The following EMILIN2 variants were observed in gnomAD, a reference collection of about 807,000 sequenced individuals.
The protein encoded by EMILIN2 is elastin microfibril interfacer 2.
Under a neutral mutation model 87.1 loss-of-function variants are expected in EMILIN2, and 71 were observed. The ratio of observed to expected loss-of-function variants is 0.82; its 90% CI spans 0.67 to 0.99. The LOEUF is 0.99. Among genes scored for constraint, EMILIN2 ranks in the 50% least tolerant of loss-of-function variants. The pLI is 0.00. For missense variants in EMILIN2, 1,407 were observed against 1,371.8 expected (o/e 1.03, Z -0.40); for synonymous variants, 581 against 563.4 (o/e 1.03, Z -0.44).
rs777222081 is a variant in EMILIN2, at chr18:2,847,485, C to A, written c.134+163C>A. Reference sequence around the variant, plus strand: ...GGGGGACCGCGCGCTCCGCAGCCGGCGCCTCAGGCAGAGCTGACTCCGGGG... The same window carrying A: ...GGGGGACCGCGCGCTCCGCAGCCGGAGCCTCAGGCAGAGCTGACTCCGGGG... On this transcript the variant is annotated intron_variant, in intron 1 of 7. Coordinates refer to ENST00000254528, the MANE Select transcript of EMILIN2 (RefSeq NM_032048.3). The surrounding 1 kb of genome is among the most constrained non-coding windows in gnomAD (Gnocchi z 4.5). Among the ~76,000 whole-genome samples the A allele has an allele frequency of 6.6e-6, 1 of 152,200 alleles. No individual in the cohort carries two copies. The highest frequency in any genetic ancestry group is 1.5e-5 in the Non-Finnish European group (1 of 68,022).
In EMILIN2 at chr18:2,848,011, T is replaced by A; in HGVS notation, c.257+80T>A. The A allele has an allele frequency of 7.0e-7, 1 of 1,430,898 alleles. No homozygotes were observed. The highest frequency in any genetic ancestry group is 9.3e-7 in the Non-Finnish European group (1 of 1,079,798). The allele number at this position is 1,430,898 out of a possible 1,614,324, so 88.6% of individuals were successfully genotyped here. On this transcript the variant is annotated intron_variant, in intron 2 of 7. Coordinates refer to ENST00000254528, the MANE Select transcript of EMILIN2 (RefSeq NM_032048.3). This position sits in a 1 kb window ranked among gnomAD's most constrained non-coding sequence, Gnocchi z 4.1. The stretch of plus-strand genomic sequence containing the variant: ...GTGGGGTGGGGTTGCTGCGCTGGGC[T>A]CCAGTCCCTCCGGTAAATCCCTTCC...
rs996359852 is a variant in EMILIN2, at chr18:2,847,722, G to C, written c.135-87G>C. 1.3e-6 allele frequency: 2 copies of C among 1,512,758 alleles called. No homozygotes were observed. Among genetic ancestry groups the C allele is most frequent in the South Asian group, 1.3e-5 (1 of 78,634 alleles). The allele number at this position is 1,512,758 out of a possible 1,614,324, so 93.7% of individuals were successfully genotyped here. A position where few individuals can be genotyped will look rare whatever the true frequency, so the allele number is the denominator to read the frequency against. On this transcript the variant is annotated intron_variant, in intron 1 of 7. Coordinates refer to ENST00000254528, the MANE Select transcript of EMILIN2 (RefSeq NM_032048.3). The surrounding 1 kb of genome is among the most constrained non-coding windows in gnomAD (Gnocchi z 4.5). ...CGACGGGCCCCCCCGACCCTCGCTC[G>C]GTCTGGTGCCGCAGTCCCCTCTCCC...
At chr18:2,911,461 T>C (rs957220270) in intron 7 of EMILIN2, among the ~76,000 whole-genome samples, 4 of 152,258 alleles carry the variant, frequency 2.6e-5, no homozygotes, top group Non-Finnish European at 5.9e-5. Flanking sequence ...GGAGATCTTA[T>C]CTGGAAGCAG....
At position 2,891,598 on chromosome 18, in the gene EMILIN2, G is replaced by A. The variant is rs112602786; in HGVS notation, c.1471G>A (p.Asp491Asn). The A allele has an allele frequency of 3.7e-5, 60 of 1,613,938 alleles. No individual in the cohort carries two copies. The highest frequency in any genetic ancestry group is 1.6e-4 in the Middle Eastern group (1 of 6,084). The change falls in exon 4 of 8, where the codon GAT becomes AAT. Residue 491 changes from aspartate to asparagine, a missense_variant. Coordinates refer to ENST00000254528, the MANE Select transcript of EMILIN2 (RefSeq NM_032048.3). This position sits in a 1 kb window ranked among gnomAD's most constrained non-coding sequence, Gnocchi z 4.6. ...GEVGDLKQLV[D>N]QKIQSLEDRL... ...GGTGGGTGACTTGAAGCAGCTTGTT[G>A]ATCAGAAAATACAGTCTCTGGAAGA...
chr18:2,898,096 C>CT (rs939057971), intron 4 of EMILIN2, among the ~76,000 whole-genome samples: 1 of 152,216 alleles, frequency 6.6e-6, no homozygotes, highest in Non-Finnish European at 1.5e-5. Context: ...ATCAGGCCTT[C>CT]ACACTCTCTC....
intron 3 of EMILIN2, among the ~76,000 whole-genome samples, chr18:2,888,068 C>T: frequency 6.6e-6 from 1 of 152,214 alleles, no homozygotes; most frequent in East Asian, 1.9e-4. Flanking sequence ...AGTTATTGAA[C>T]ACCATCCTCT....
At chr18:2,857,023 C>T (rs1363425857) in intron 2 of EMILIN2, among the ~76,000 whole-genome samples, 3 of 152,064 alleles carry the variant, frequency 2.0e-5, no homozygotes, top group Admixed American at 2.0e-4. Context: ...ATTCCTGGTT[C>T]GAAAATGCTG....
chr18:2,847,506 C>A lies in EMILIN2; in HGVS notation c.134+184C>A. On this transcript the variant is annotated intron_variant, in intron 1 of 7. Transcript: ENST00000254528. The surrounding 1 kb of genome is among the most constrained non-coding windows in gnomAD (Gnocchi z 4.5). ...CCGGCGCCTCAGGCAGAGCTGACTCCGGGGGCGTGGGCGCAGAGAGCGTCC... is the reference window on the plus strand; with the variant it reads ...CCGGCGCCTCAGGCAGAGCTGACTCAGGGGGCGTGGGCGCAGAGAGCGTCC... Among the ~76,000 whole-genome samples, 1 of 151,664 alleles carries A rather than the reference C, an allele frequency of 6.6e-6. No individual in the cohort carries two copies. Among genetic ancestry groups the A allele is most frequent in the Non-Finnish European group, 1.5e-5 (1 of 67,906 alleles).
intron 2 of EMILIN2, among the ~76,000 whole-genome samples, chr18:2,873,589 C>T: frequency 6.6e-6 from 1 of 151,638 alleles, no homozygotes; most frequent in Non-Finnish European, 1.5e-5. Flanking sequence ...CGCCTGTAGT[C>T]CCAGCTACTC....
intron 4 of EMILIN2, among the ~76,000 whole-genome samples, chr18:2,899,371 G>A (rs1028812066): frequency 2.0e-5 from 3 of 152,134 alleles, no homozygotes; most frequent in Non-Finnish European, 2.9e-5. Context: ...TTACGGACTC[G>A]ATTCTGTTCC....
At chr18:2,860,572 CT>C (rs1189040689) in intron 2 of EMILIN2, among the ~76,000 whole-genome samples, 1 of 152,088 alleles carries the variant, frequency 6.6e-6, no homozygotes, top group African/African-American at 2.4e-5. Context: ...TGAACTCATC[CT>C]TTTTTATGGC....
intron 2 of EMILIN2, among the ~76,000 whole-genome samples, chr18:2,854,914 A>G (rs189390237): frequency 1.3e-5 from 2 of 152,370 alleles, no homozygotes; most frequent in Non-Finnish European, 2.9e-5. Context: ...AATAACTTTC[A>G]GTTCAAAAAG....
rs538401222 is a variant in EMILIN2 at position 2,909,818 on chromosome 18, C to T, written c.2823C>T (p.Thr941=). Residue 941 remains threonine (T), a splice_region_variant and synonymous_variant, in exon 7 of 8, where the codon ACC becomes ACT. Transcript: ENST00000254528. ...VNDGDVYNPS[T]GVFTAPYDGR... ...ACGGGGATGTTTACAACCCCAGCAC[C>T]GGTGAGTGTTTGAACGGAACTGGTA... 1.1e-5 allele frequency: 18 copies of T among 1,613,160 alleles called. No individual in the cohort carries two copies. In the East Asian group the frequency reaches 2.0e-4, roughly 18 times the overall value.
At position 2,891,537 on chromosome 18, in the gene EMILIN2, C is replaced by A; in HGVS notation, c.1410C>A (p.Tyr470Ter). 1 of 1,614,134 alleles carries A rather than the reference C, an allele frequency of 6.2e-7. No homozygotes were observed. The highest frequency in any genetic ancestry group is 8.5e-7 in the Non-Finnish European group (1 of 1,180,038). ...TEKNAEEHCF[Y>*]IEETLRGAIN... ...AGAACGCTGAAGAACATTGCTTTTA[C>A]ATTGAGGAAACCCTTCGGGGCGCCA... The change falls in exon 4 of 8, where the codon TAC becomes TAA. Residue 470 changes from tyrosine to a stop codon, truncating the protein, a stop_gained. Transcript: ENST00000254528. LOFTEE classifies it high-confidence loss of function. This position sits in a 1 kb window ranked among gnomAD's most constrained non-coding sequence, Gnocchi z 4.6.
rs138299455 is a variant in EMILIN2 at position 2,891,024 on chromosome 18, A to G, written c.897A>G (p.Glu299=). 5 of 1,614,114 alleles carry G rather than the reference A, an allele frequency of 3.1e-6. No individual in the cohort carries two copies. The African/African-American group carries it at 5.3e-5, about 17-fold the overall frequency. ...AAGGGCAGCTCAGACAGCTCCAGGA[A>G]GCAGCTCAGGGCCCGACGGTGACCA... ...GYEGQLRQLQ[E]AAQGPTVTMT... is the part of the protein sequence containing the mutation. The change falls in exon 4 of 8, where the codon GAA becomes GAG. Residue 299 remains glutamate (E), a synonymous_variant. Coordinates refer to ENST00000254528, the MANE Select transcript of EMILIN2 (RefSeq NM_032048.3). This position sits in a 1 kb window ranked among gnomAD's most constrained non-coding sequence, Gnocchi z 4.6.
intron 4 of EMILIN2, among the ~76,000 whole-genome samples, chr18:2,904,410 C>A (rs2076900610): frequency 6.6e-6 from 1 of 152,112 alleles, no homozygotes; most frequent in African/African-American, 2.4e-5. Flanking sequence ...TTTCTGATTT[C>A]TTTTTTTCTG....
intron 7 of EMILIN2, among the ~76,000 whole-genome samples, chr18:2,911,910 G>A (rs1208646260): frequency 2.2e-5 from 3 of 137,014 alleles, no homozygotes; most frequent in East Asian, 4.0e-4. Context: ...TCAGGGCCAG[G>A]TACCTTAGGA....
chr18:2,891,598 G>C lies in EMILIN2; in HGVS notation c.1471G>C (p.Asp491His), dbSNP rs112602786. The C allele has an allele frequency of 1.2e-6, 2 of 1,614,056 alleles. No individual in the cohort carries two copies. Among genetic ancestry groups the C allele is most frequent in the African/African-American group, 1.3e-5 (1 of 75,034 alleles). Residue 491 changes from aspartate (D) to histidine (H), a missense_variant, in exon 4 of 8, where the codon GAT (aspartate) becomes CAT (histidine). By Grantham distance (81) the Asp-to-His change is moderately conservative. Coordinates refer to ENST00000254528, the MANE Select transcript of EMILIN2 (RefSeq NM_032048.3). This position sits in a 1 kb window ranked among gnomAD's most constrained non-coding sequence, Gnocchi z 4.6. ...GGTGGGTGACTTGAAGCAGCTTGTT[G>C]ATCAGAAAATACAGTCTCTGGAAGA... is the stretch of plus-strand genomic sequence containing the variant. ...GEVGDLKQLV[D>H]QKIQSLEDRL...
intron 2 of EMILIN2, among the ~76,000 whole-genome samples, chr18:2,861,523 G>A (rs1216594024): frequency 6.6e-6 from 1 of 152,180 alleles, no homozygotes; most frequent in African/African-American, 2.4e-5. Flanking sequence ...TGTCAGGTTT[G>A]TCAAAGATCA....
Sources: allele counts gnomAD v4.1 joint callset (sites outside exome capture counted in the v4.1 genomes callset), GRCh38; gene constraint gnomAD v4.1.1; non-coding constraint Gnocchi (gnomAD v3.1); transcripts MANE v1.5; gene names NCBI Gene and HGNC (gene_info 2026-07-23, HGNC 2026-07-21).